The following TIAM1 variants were observed in gnomAD, a reference collection of about 807,000 sequenced individuals.
The protein encoded by TIAM1 is rho guanine nucleotide exchange factor TIAM1.
A neutral mutation model predicts 163.5 loss-of-function variants in TIAM1; 65 were observed. That is an observed-to-expected ratio of 0.40 (90% CI 0.33 to 0.49). The LOEUF is 0.49. Ranked by LOEUF, TIAM1 falls within the 20% of genes least tolerant of loss-of-function variation. The pLI, the probability that TIAM1 is intolerant of heterozygous loss-of-function variation, is 0.77. For missense variants in TIAM1, 1,789 were observed against 2,044.7 expected, an observed-to-expected ratio of 0.87 and a Z score of 2.41; for synonymous variants, 833 against 810.1, an observed-to-expected ratio of 1.03 and a Z score of -0.48.
chr21:31,130,091 A>G (rs2082350323), intron 25 of TIAM1, 122 bp downstream of exon 25: 1 of 721,120 alleles, frequency 1.4e-6, no homozygotes, highest in East Asian at 2.6e-5. Context: ...AGAGTTAAGC[A>G]TAGGGAAAAA....
intron 10 of TIAM1, among the ~76,000 whole-genome samples, chr21:31,210,655 AAG>A (rs1465073133): frequency 0.018 from 376 of 20,662 alleles, 44 homozygotes; most frequent in African/African-American, 0.04. Context: ...GAAAGAAAGA[AAG>A]AAAGAAAGAA....
chr21:31,245,394 A>AAAAG (rs2071446618), intron 6 of TIAM1, 94 bp downstream of exon 6: 1 of 891,530 alleles, frequency 1.1e-6, no homozygotes, highest in Non-Finnish European at 1.5e-6. Flanking sequence ...AAAAAAAAAA[A>AAAAG]AAAGCAGTGG....
intron 8 of TIAM1, 54 bp from the exon 9 acceptor site, chr21:31,217,753 T>G: frequency 6.3e-7 from 1 of 1,585,814 alleles, no homozygotes; most frequent in Admixed American, 1.7e-5. Context: ...GACCACCCAC[T>G]TGTGCCTTGA....
intron 23 of TIAM1, among the ~76,000 whole-genome samples, chr21:31,135,347 C>G (rs2082578844): frequency 6.6e-6 from 1 of 152,152 alleles, no homozygotes; most frequent in Non-Finnish European, 1.5e-5. Context: ...TCCATCTAAA[C>G]TGGTTTATTA....
chr21:31,470,076 T>A (rs958272922), intron 1 of TIAM1, among the ~76,000 whole-genome samples: 2 of 148,702 alleles, frequency 1.3e-5, no homozygotes. Flanking sequence ...CGATCTCAGC[T>A]CACTGCAACC....
At chr21:31,441,665 T>A (rs1409114496) in intron 2 of TIAM1, among the ~76,000 whole-genome samples, 4 of 152,134 alleles carry the variant, frequency 2.6e-5, no homozygotes, top group Admixed American at 1.3e-4. Flanking sequence ...CTACCTAACA[T>A]ACAGGCTTCC....
intron 1 of TIAM1, among the ~76,000 whole-genome samples, chr21:31,515,335 A>G (rs915218721): frequency 4.6e-5 from 7 of 152,212 alleles, no homozygotes; most frequent in African/African-American, 1.4e-4. Context: ...TCCCTGGACC[A>G]GTGGCATCAA....
intron 1 of TIAM1, among the ~76,000 whole-genome samples, chr21:31,477,227 C>T (rs2045961263): frequency 6.6e-6 from 1 of 152,170 alleles, no homozygotes; most frequent in Admixed American, 6.6e-5. Context: ...CTATTTTCCT[C>T]CACAAGCGTA....
intron 5 of TIAM1, among the ~76,000 whole-genome samples, chr21:31,248,806 C>A (rs927632380): frequency 2.0e-5 from 3 of 152,128 alleles, no homozygotes; most frequent in Admixed American, 6.5e-5. Context: ...TGAATTCCAA[C>A]AGGCTGTGTC....
chr21:31,234,866 C>T (rs1236475750), intron 6 of TIAM1, among the ~76,000 whole-genome samples: 4 of 151,738 alleles, frequency 2.6e-5, no homozygotes, highest in Non-Finnish European at 5.9e-5. Flanking sequence ...GGAAATGATG[C>T]TAAAGAGAAA....
At chr21:31,366,632 T>C (rs951592167) in intron 2 of TIAM1, among the ~76,000 whole-genome samples, 4 of 152,302 alleles carry the variant, frequency 2.6e-5, no homozygotes, top group African/African-American at 9.6e-5. Context: ...GGCTTTCTTT[T>C]TTCAGACAGA....
At chr21:31,393,458 C>T (rs1381437537) in intron 2 of TIAM1, among the ~76,000 whole-genome samples, 1 of 152,208 alleles carries the variant, frequency 6.6e-6, no homozygotes, top group Admixed American at 6.5e-5. Flanking sequence ...TCCTCTGCCT[C>T]TGCACCCAGA....
chr21:31,356,166 TAACAGCAAAG>T (rs1219706343), intron 2 of TIAM1, among the ~76,000 whole-genome samples: 1 of 152,192 alleles, frequency 6.6e-6, no homozygotes, highest in African/African-American at 2.4e-5. Flanking sequence ...TCTGAATCCT[TAACAGCAAAG>T]AAAGAAATAA....
intron 1 of TIAM1, among the ~76,000 whole-genome samples, chr21:31,532,033 C>T (rs2284546): frequency 0.34 from 51,825 of 151,848 alleles, 9,248 homozygotes; most frequent in Non-Finnish European, 0.39. Context: ...AGGAGGATTC[C>T]TTGAGCCTGG....
chr21:31,344,287 G>T (rs1337794884), upstream of TIAM1: 1 of 152,266 alleles, frequency 6.6e-6, no homozygotes, highest in African/African-American at 2.4e-5. Flanking sequence ...GATGAATCTG[G>T]TCACTTGGGT....
intron 6 of TIAM1, among the ~76,000 whole-genome samples, chr21:31,239,067 T>C (rs530029471): frequency 6.6e-6 from 1 of 152,330 alleles, no homozygotes; most frequent in African/African-American, 2.4e-5. Flanking sequence ...AGTTAGACAT[T>C]TCCTCATTTG....
chr21:31,267,112 C>T lies in TIAM1; in HGVS notation c.-11-129G>A, dbSNP rs1243983505. 6.2e-6 allele frequency: 8 copies of T among 1,298,208 alleles called. No homozygotes were observed. The African/African-American group carries it at 7.4e-5, about 12-fold the overall frequency. 80.4% of individuals were successfully genotyped at this position (1,298,208 alleles called of 1,614,324 possible). ...CTCACAGGGGTTGTTAGGTAAGTAA[C>T]AGCACAACTTCCTATATGCACCTGG... On this transcript the variant is annotated intron_variant, in intron 3 of 27. Transcript: ENST00000541036.
chr21:31,285,920 GATA>G, intron 2 of TIAM1, among the ~76,000 whole-genome samples: 1 of 152,252 alleles, frequency 6.6e-6, no homozygotes, highest in South Asian at 2.1e-4. Flanking sequence ...CAGTCTTCCA[GATA>G]ATGAGAAAGC....
chr21:31,406,707 G>T (rs997097457), intron 2 of TIAM1, among the ~76,000 whole-genome samples: 1 of 152,106 alleles, frequency 6.6e-6, no homozygotes, highest in Non-Finnish European at 1.5e-5. Context: ...AGAGCTCTCA[G>T]CCCTGTAGGT....
Sources: gnomAD v4.1 joint callset for allele counts (sites outside exome capture counted in the v4.1 genomes callset) on GRCh38, gnomAD v4.1.1 for gene constraint, MANE v1.5 for transcripts, NCBI Gene and HGNC (gene_info 2026-07-23, HGNC 2026-07-21) for gene names.